Variants in TMEM38A observed in about 807,000 individuals in gnomAD.
The protein encoded by TMEM38A is trimeric intracellular cation channel type A.
In TMEM38A, 17 loss-of-function variants were observed where a neutral mutation model predicts 28.6. The observed-to-expected ratio is 0.60, with a 90% confidence interval of 0.41 to 0.89. TMEM38A has a LOEUF of 0.89. Among genes scored for constraint, TMEM38A ranks in the 40% least tolerant of loss-of-function variants. The pLI, the probability that TMEM38A is intolerant of heterozygous loss-of-function variation, is 0.00. For missense variants in TMEM38A, 328 were observed against 393.1 expected, an observed-to-expected ratio of 0.83 and a Z score of 1.40; for synonymous variants, 169 against 166.1, an observed-to-expected ratio of 1.02 and a Z score of -0.14.
rs554445971 is a variant in TMEM38A at position 16,676,103 on chromosome 19, G to A, written c.125-3881G>A. Among the ~76,000 whole-genome samples the A allele has an allele frequency of 2.5e-4, 37 of 149,744 alleles. 3 individuals carry two copies. Among genetic ancestry groups the A allele is most frequent in the Middle Eastern group, 3.4e-3 (1 of 290 alleles). On this transcript the variant is annotated intron_variant, in intron 1 of 5. Transcript: ENST00000187762. ...TGGCCGGGCGCGGTGGCTCACACCTGTAATCCCAGCACTTTGTGAGGCCGA... is the reference window on the plus strand; with the variant it reads ...TGGCCGGGCGCGGTGGCTCACACCTATAATCCCAGCACTTTGTGAGGCCGA...
intron 1 of TMEM38A, among the ~76,000 whole-genome samples, chr19:16,679,200 C>T (rs1435737640): frequency 6.8e-6 from 1 of 148,026 alleles, no homozygotes; most frequent in Non-Finnish European, 1.5e-5. Context: ...CCAGCATAAG[C>T]TCATAGGGAT....
chr19:16,674,718 A>T (rs564372154), intron 1 of TMEM38A, among the ~76,000 whole-genome samples: 5 of 151,956 alleles, frequency 3.3e-5, no homozygotes, highest in Admixed American at 3.3e-4. Context: ...AGGATTGCTT[A>T]AACCCAGGAG....
At chr19:16,684,334 G>C (rs954063847) in intron 4 of TMEM38A, among the ~76,000 whole-genome samples, 1 of 151,080 alleles carries the variant, frequency 6.6e-6, no homozygotes, top group Non-Finnish European at 1.5e-5. Context: ...AAAAAAATTA[G>C]CCAGGTGTGG....
Position 16,680,391 on chromosome 19 carries a change from C to T in TMEM38A, c.282-6C>T. The T allele has an allele frequency of 6.2e-7, 1 of 1,614,064 alleles. No homozygotes were observed. Among genetic ancestry groups the T allele is most frequent in the East Asian group, 2.2e-5 (1 of 44,878 alleles). Reference sequence around the variant, plus strand: ...CCCCTGGCACTCACTGTTCTCTCCCCAAAAGGTACTTGATTTTCTTCTGCC... The same window carrying T: ...CCCCTGGCACTCACTGTTCTCTCCCTAAAAGGTACTTGATTTTCTTCTGCC... On this transcript the variant is annotated splice_polypyrimidine_tract_variant and splice_region_variant and intron_variant, in intron 2 of 5. Coordinates refer to ENST00000187762, the MANE Select transcript of TMEM38A (RefSeq NM_024074.4).
chr19:16,676,360 A>C (rs2086751504), intron 1 of TMEM38A, among the ~76,000 whole-genome samples: 1 of 152,180 alleles, frequency 6.6e-6, no homozygotes, highest in South Asian at 2.1e-4. Flanking sequence ...CATCTCAAAC[A>C]AAAAAAGAGA....
At chr19:16,685,693 G>GTT (rs1453278453) in intron 4 of TMEM38A, among the ~76,000 whole-genome samples, 2 of 152,164 alleles carry the variant, frequency 1.3e-5, no homozygotes, top group African/African-American at 4.8e-5. Context: ...AAATTACGTT[G>GTT]TTACTACCTG....
chr19:16,676,570 A>G (rs1221163861), intron 1 of TMEM38A, among the ~76,000 whole-genome samples: 1 of 152,086 alleles, frequency 6.6e-6, no homozygotes, highest in African/African-American at 2.4e-5. Flanking sequence ...AATATGATGA[A>G]AGAAGTGGTC....
At chr19:16,679,751 C>G (rs776472162) in intron 1 of TMEM38A, among the ~76,000 whole-genome samples, 9 of 152,204 alleles carry the variant, frequency 5.9e-5, no homozygotes, top group Non-Finnish European at 8.8e-5. Flanking sequence ...GTGTCATCAT[C>G]ATTGCCACCT....
At chr19:16,678,774 A>G (rs980083329) in intron 1 of TMEM38A, among the ~76,000 whole-genome samples, 1 of 150,416 alleles carries the variant, frequency 6.6e-6, no homozygotes, top group Non-Finnish European at 1.5e-5. Flanking sequence ...TCCAAAAAAA[A>G]AAAAAAAAAA....
chr19:16,668,832 C>CT lies in TMEM38A; in HGVS notation c.124+7505dup, dbSNP rs764301432. ...ATTTCTTTCTTTTTTCTTTTTCTTT[C>CT]TTTTTTTTTTTTTTGAAATGGACTT... On this transcript the variant is annotated intron_variant, in intron 1 of 5. Coordinates refer to ENST00000187762, the MANE Select transcript of TMEM38A (RefSeq NM_024074.4). 6.0e-3 allele frequency among the ~76,000 whole-genome samples: 841 copies of CT among 140,156 alleles called. 9 individuals are homozygous for CT. The highest frequency in any genetic ancestry group is 0.013 in the African/African-American group (477 of 37,452). The allele number at this position is 140,156 out of a possible 152,430, so 91.9% of individuals were successfully genotyped here. A position where few individuals can be genotyped will look rare whatever the true frequency, so the allele number is the denominator to read the frequency against.
At chr19:16,686,112 G>A (rs571271733) in intron 4 of TMEM38A, among the ~76,000 whole-genome samples, 176 bp from the exon 5 acceptor site, 1 of 152,290 alleles carries the variant, frequency 6.6e-6, no homozygotes, top group South Asian at 2.1e-4. Flanking sequence ...GCAGTGAGCC[G>A]AGGTTGTGCC....
rs534319383 is a variant in TMEM38A at position 16,674,258 on chromosome 19, G to A, written c.125-5726G>A. 3.3e-5 allele frequency among the ~76,000 whole-genome samples: 5 copies of A among 151,866 alleles called. No homozygotes were observed. In the East Asian group the frequency reaches 9.7e-4, roughly 29 times the overall value. On this transcript the variant is annotated intron_variant, in intron 1 of 5. Coordinates refer to ENST00000187762, the MANE Select transcript of TMEM38A (RefSeq NM_024074.4). The stretch of plus-strand genomic sequence containing the variant: ...AACTTAGCTAGGCGTGGTGGCAGGT[G>A]CCTGTAATCCCAGCTACTTGGGAGG...
At chr19:16,667,007 A>G (rs1255193726) in intron 1 of TMEM38A, among the ~76,000 whole-genome samples, 1 of 151,206 alleles carries the variant, frequency 6.6e-6, no homozygotes, top group African/African-American at 2.4e-5. Flanking sequence ...AGTGGCTCAC[A>G]CTTGTAATCC....
intron 1 of TMEM38A, among the ~76,000 whole-genome samples, chr19:16,679,190 C>G (rs1232955979): frequency 7.8e-6 from 1 of 128,452 alleles, no homozygotes; most frequent in African/African-American, 3.5e-5. Flanking sequence ...AAAAAGAATA[C>G]CAGCATAAGC....
chr19:16,662,398 T>G (rs1288251066), intron 1 of TMEM38A, among the ~76,000 whole-genome samples: 1 of 151,108 alleles, frequency 6.6e-6, no homozygotes, highest in African/African-American at 2.4e-5. Context: ...GTCTCTTCTA[T>G]TCATTTACGG....
chr19:16,668,865 G>C lies in TMEM38A; in HGVS notation c.124+7524G>C, dbSNP rs1438698426. 5.0e-5 allele frequency among the ~76,000 whole-genome samples: 6 copies of C among 119,608 alleles called. 1 individual carries two copies. In the East Asian group the frequency reaches 1.4e-3, roughly 29 times the overall value. The allele number at this position is 119,608 out of a possible 152,430, so 78.5% of individuals were successfully genotyped here. A position where few individuals can be genotyped will look rare whatever the true frequency, so the allele number is the denominator to read the frequency against. On this transcript the variant is annotated intron_variant, in intron 1 of 5. Coordinates refer to ENST00000187762, the MANE Select transcript of TMEM38A (RefSeq NM_024074.4). ...TTTTTTTGAAATGGACTTTGCTCTT[G>C]TTACCCAGGCTGGAGTGCAATGGTT... is the stretch of plus-strand genomic sequence containing the variant.
rs2086684016 is a variant in TMEM38A at position 16,661,992 on chromosome 19, C to G, written c.124+651C>G. Among the ~76,000 whole-genome samples, 1 of 152,120 alleles carries G rather than the reference C, an allele frequency of 6.6e-6. No individual in the cohort carries two copies. Among genetic ancestry groups the G allele is most frequent in the Non-Finnish European group, 1.5e-5 (1 of 68,024 alleles). On this transcript the variant is annotated intron_variant, in intron 1 of 5. Coordinates refer to ENST00000187762, the MANE Select transcript of TMEM38A (RefSeq NM_024074.4). The surrounding 1 kb of genome is among the most constrained non-coding windows in gnomAD (Gnocchi z 6.5). Reference sequence around the variant, plus strand: ...GTGACTTGGGGTCAGTGTCCTCCATCTCAGCTCCAGACTCCACGCTGGGGA... The same window carrying G: ...GTGACTTGGGGTCAGTGTCCTCCATGTCAGCTCCAGACTCCACGCTGGGGA...
intron 3 of TMEM38A, 48 bp from the exon 4 acceptor site, chr19:16,682,373 A>T: frequency 6.7e-7 from 1 of 1,499,288 alleles, no homozygotes; most frequent in Non-Finnish European, 9.3e-7. Context: ...ACAAGAGGAA[A>T]GGAGACCTGG....
At chr19:16,675,471 A>G (rs2086746216) in intron 1 of TMEM38A, among the ~76,000 whole-genome samples, 1 of 151,058 alleles carries the variant, frequency 6.6e-6, no homozygotes, top group African/African-American at 2.4e-5. Context: ...TAGGCTCAAG[A>G]GATCCTCTGG....
Sources: gnomAD v4.1 joint callset for allele counts (sites outside exome capture counted in the v4.1 genomes callset) on GRCh38, gnomAD v4.1.1 for gene constraint, Gnocchi (gnomAD v3.1) non-coding constraint, MANE v1.5 for transcripts, NCBI Gene and HGNC (gene_info 2026-07-23, HGNC 2026-07-21) for gene names.